The following FMN1 variants were observed in gnomAD, a reference collection of about 807,000 sequenced individuals.
FMN1 encodes the protein formin 1, also known as formin-1.
Under a neutral mutation model 132.4 loss-of-function variants are expected in FMN1, and 110 were observed. The ratio of observed to expected loss-of-function variants is 0.83; its 90% confidence interval spans 0.71 to 0.97. The LOEUF (loss-of-function observed/expected upper bound fraction) is 0.97. Among genes scored for constraint, FMN1 ranks in the 50% least tolerant of loss-of-function variants. FMN1 has a pLI of 0.00. For synonymous variants in FMN1, 722 were observed against 651.7 expected (o/e 1.11, Z -1.64); for missense variants, 1,792 against 1,705.3 (o/e 1.05, Z -0.90).
At chr15:32,824,277 A>G (rs151246361) in intron 17 of FMN1, among the ~76,000 whole-genome samples, 1,929 of 152,300 alleles carry the variant, frequency 0.013, 16 homozygotes, top group Non-Finnish European at 0.021. Flanking sequence ...TGGAGCGTGG[A>G]GCCCAACACT....
chr15:33,042,248 A>G (rs1297581460), intron 6 of FMN1, among the ~76,000 whole-genome samples: 2 of 152,214 alleles, frequency 1.3e-5, no homozygotes, highest in East Asian at 3.8e-4. Context: ...ACTGAAGGTC[A>G]TAAAAGAAAT....
intron 9 of FMN1, among the ~76,000 whole-genome samples, chr15:32,939,929 G>T (rs139444830): frequency 6.6e-6 from 1 of 152,164 alleles, no homozygotes; most frequent in African/African-American, 2.4e-5. Context: ...CATAAGCACA[G>T]ATTTCAAATA....
chr15:33,006,406 G>A (rs1248612912), intron 7 of FMN1, among the ~76,000 whole-genome samples: 1 of 152,188 alleles, frequency 6.6e-6, no homozygotes, highest in Non-Finnish European at 1.5e-5. Context: ...AAGTATTGGT[G>A]AGGATATGGA....
chr15:32,972,181 T>A (rs1267666544), intron 7 of FMN1, among the ~76,000 whole-genome samples: 3 of 152,198 alleles, frequency 2.0e-5, no homozygotes, highest in Non-Finnish European at 2.9e-5. Context: ...TTATTCTCTC[T>A]CTAATGCCTG....
chr15:32,802,437 A>G (rs527932452), intron 18 of FMN1, among the ~76,000 whole-genome samples: 8 of 152,348 alleles, frequency 5.3e-5, no homozygotes, highest in African/African-American at 1.4e-4. Flanking sequence ...AGAATAAAAC[A>G]TAAGAATTCA....
intron 4 of FMN1, among the ~76,000 whole-genome samples, chr15:33,109,620 A>T (rs149308692): frequency 6.6e-6 from 1 of 152,118 alleles, no homozygotes; most frequent in Non-Finnish European, 1.5e-5. Context: ...GTTCTCACTT[A>T]TAAGCAAGAG....
chr15:33,060,577 T>A (rs2037435960), intron 6 of FMN1, among the ~76,000 whole-genome samples: 1 of 152,196 alleles, frequency 6.6e-6, no homozygotes, highest in African/African-American at 2.4e-5. Context: ...AGAGGCCACA[T>A]GTCTTGACAA....
intron 15 of FMN1, among the ~76,000 whole-genome samples, chr15:32,893,119 C>A (rs1342871456): frequency 1.3e-5 from 2 of 152,164 alleles, no homozygotes; most frequent in Non-Finnish European, 2.9e-5. Context: ...AGGCCATTAG[C>A]TTTGTTAGGG....
At chr15:32,883,319 C>T (rs1210324240) in intron 16 of FMN1, among the ~76,000 whole-genome samples, 2 of 151,860 alleles carry the variant, frequency 1.3e-5, no homozygotes, top group African/African-American at 4.8e-5. Flanking sequence ...GCCTAGGCAA[C>T]ACAGTGAGAC....
chr15:33,101,296 T>G (rs569066519), intron 4 of FMN1, among the ~76,000 whole-genome samples: 189 of 152,260 alleles, frequency 1.2e-3, no homozygotes, highest in South Asian at 0.012. Context: ...GGTTGGCGAT[T>G]TGGTAAATTC....
chr15:32,913,822 A>C (rs779229440), intron 10 of FMN1, among the ~76,000 whole-genome samples: 20 of 152,178 alleles, frequency 1.3e-4, no homozygotes, highest in Non-Finnish European at 2.1e-4. Flanking sequence ...TAGCATGTAT[A>C]ACATAGATGT....
chr15:32,776,712 A>C, intron 20 of FMN1, 123 bp downstream of exon 20: 2 of 516,154 alleles, frequency 3.9e-6, no homozygotes, highest in Non-Finnish European at 6.7e-6. Context: ...TTTTAACCAT[A>C]TGCTACTCTG....
chr15:32,831,663 G>A (rs1413611204), intron 17 of FMN1, among the ~76,000 whole-genome samples: 1 of 151,918 alleles, frequency 6.6e-6, no homozygotes, highest in Non-Finnish European at 1.5e-5. Context: ...GCTTGGACAA[G>A]TAGACTAGAG....
intron 16 of FMN1, among the ~76,000 whole-genome samples, chr15:32,857,847 T>C (rs1413984757): frequency 6.6e-6 from 1 of 152,184 alleles, no homozygotes; most frequent in Non-Finnish European, 1.5e-5. Context: ...TAAATCATAG[T>C]TCACCATCAC....
intron 6 of FMN1, among the ~76,000 whole-genome samples, chr15:33,044,861 C>T (rs2036604715): frequency 6.6e-6 from 1 of 152,194 alleles, no homozygotes; most frequent in Non-Finnish European, 1.5e-5. Context: ...ACACCTTGCT[C>T]CCCCCTCCAC....
At chr15:33,045,889 C>T (rs1037917690) in intron 6 of FMN1, among the ~76,000 whole-genome samples, 7 of 152,260 alleles carry the variant, frequency 4.6e-5, no homozygotes, top group African/African-American at 7.2e-5. Flanking sequence ...CAAATAAAAA[C>T]GGGATCCCTT....
intron 7 of FMN1, among the ~76,000 whole-genome samples, chr15:32,981,392 C>T (rs1300157640): frequency 6.6e-6 from 1 of 151,666 alleles, no homozygotes; most frequent in Non-Finnish European, 1.5e-5. Flanking sequence ...GTGGCAGGCA[C>T]TTGTAGTCCC....
intron 7 of FMN1, among the ~76,000 whole-genome samples, chr15:33,007,317 A>G (rs546616038): frequency 3.9e-5 from 6 of 152,314 alleles, no homozygotes; most frequent in South Asian, 4.1e-4. Flanking sequence ...TCTCTCCTGA[A>G]GCAGGGGGTT....
chr15:32,927,795 C>A (rs909425014), intron 9 of FMN1, among the ~76,000 whole-genome samples: 2 of 152,184 alleles, frequency 1.3e-5, no homozygotes, highest in Admixed American at 6.5e-5. Flanking sequence ...AAAAGAGAAG[C>A]ACCCACAAAA....
Sources: allele counts gnomAD v4.1 joint callset (sites outside exome capture counted in the v4.1 genomes callset), GRCh38; gene constraint gnomAD v4.1.1; transcripts MANE v1.5; gene names NCBI Gene and HGNC (gene_info 2026-07-23, HGNC 2026-07-21).